NRCAM: variants seen among roughly 807,000 people sequenced by gnomAD.
NRCAM encodes NgCAM-related cell adhesion molecule.
In NRCAM, 83 loss-of-function variants were observed where a neutral mutation model predicts 156.5. That is an observed-to-expected ratio of 0.53 (90% CI 0.44 to 0.64). NRCAM has a LOEUF of 0.64. NRCAM is among the 30% of genes least tolerant of loss of function. NRCAM has a pLI of 0.00. For synonymous variants in NRCAM, 538 were observed against 563.9 expected (o/e 0.95, Z 0.65); for missense variants, 1,417 against 1,597.3 (o/e 0.89, Z 1.92).
intron 3 of NRCAM, among the ~76,000 whole-genome samples, chr7:108,247,305 T>C (rs67456250): frequency 0.073 from 11,161 of 152,252 alleles, 593 homozygotes; most frequent in African/African-American, 0.14. Context: ...ACCAGAAACA[T>C]ACTAACATGC....
chr7:108,319,148 T>C (rs1341592729), intron 2 of NRCAM, among the ~76,000 whole-genome samples: 1 of 152,198 alleles, frequency 6.6e-6, no homozygotes, highest in African/African-American at 2.4e-5. Context: ...TTGTGCTATA[T>C]ATATTTTACC....
chr7:108,261,219 T>C (rs1397547263), intron 3 of NRCAM, among the ~76,000 whole-genome samples: 1 of 152,180 alleles, frequency 6.6e-6, no homozygotes, highest in African/African-American at 2.4e-5. Context: ...GATTTCCTAA[T>C]CATTATAAAA....
At chr7:108,182,011 A>C in intron 23 of NRCAM, 74 bp from the exon 24 acceptor site, 1 of 1,186,480 alleles carries the variant, frequency 8.4e-7, no homozygotes, top group Non-Finnish European at 1.2e-6. Flanking sequence ...GACTCTCTCT[A>C]ATAATTTTGG....
chr7:108,181,591 C>CCT (rs2063499156), intron 24 of NRCAM, among the ~76,000 whole-genome samples: 2 of 149,426 alleles, frequency 1.3e-5, no homozygotes, highest in South Asian at 4.3e-4. Flanking sequence ...AATGTTAGAT[C>CCT]ATCAGTGGGA....
chr7:108,233,935 T>C (rs926312371), intron 6 of NRCAM, among the ~76,000 whole-genome samples: 1 of 152,218 alleles, frequency 6.6e-6, no homozygotes, highest in African/African-American at 2.4e-5. Context: ...AATGTATTGG[T>C]TGGACTGGGT....
chr7:108,264,030 T>C (rs2096986725), intron 3 of NRCAM, among the ~76,000 whole-genome samples: 1 of 152,216 alleles, frequency 6.6e-6, no homozygotes, highest in Admixed American at 6.5e-5. Flanking sequence ...CTGGCTGGAA[T>C]GCAGTGGTGC....
chr7:108,208,500 G>T (rs1452239763), intron 12 of NRCAM, among the ~76,000 whole-genome samples: 1 of 152,014 alleles, frequency 6.6e-6, no homozygotes, highest in Non-Finnish European at 1.5e-5. Context: ...GTTAACAATG[G>T]TACTTAACTA....
At position 108,184,539 on chromosome 7, in the gene NRCAM, T is replaced by G; in HGVS notation, c.2111A>C (p.Gln704Pro). ...WHHQTEVSGT[Q>P]TTAQLKLSPY... is the part of the protein sequence containing the mutation. ...AGACAGCTTCAGCTGGGCTGTGGTC[T>G]GTGTTCCAGAAACTTCAGTTTGGTG... Residue 704 changes from glutamine (Q) to proline (P), a missense_variant, in exon 21 of 33, where the codon CAG becomes CCG. Gln to Pro is a moderately conservative substitution (Grantham distance 76). This residue lies in a region of NRCAM where 1,238 missense variants were observed against 1,336.4 expected (regional missense o/e 0.93). Transcript: ENST00000379028. 2 of 1,614,116 alleles carry G rather than the reference T, an allele frequency of 1.2e-6. No homozygotes were observed. The highest frequency in any genetic ancestry group is 1.7e-6 in the Non-Finnish European group (2 of 1,180,024).
chr7:108,285,731 G>T (rs1195812754), intron 3 of NRCAM, among the ~76,000 whole-genome samples: 3 of 152,212 alleles, frequency 2.0e-5, no homozygotes. Flanking sequence ...TTTGTCAGGA[G>T]TTAATGACAT....
At chr7:108,196,708 G>A (rs917167740) in intron 14 of NRCAM, among the ~76,000 whole-genome samples, 2 of 152,154 alleles carry the variant, frequency 1.3e-5, no homozygotes, top group Non-Finnish European at 2.9e-5. Context: ...GTAGAGAAAA[G>A]GGGACACTTA....
rs978181561 is a variant in NRCAM, at chr7:108,405,336, T to C, written c.-331-5743A>G. On this transcript the variant is annotated intron_variant, in intron 1 of 32. Transcript: ENST00000379028. ...GTGCGGCTTCTTTGTTCTGAACATG[T>C]TTTCGGGTATGAAAAAGGCAGGAGC... Among the ~76,000 whole-genome samples, 23 of 152,324 alleles carry C rather than the reference T, an allele frequency of 1.5e-4. 1 individual carries two copies. The South Asian group carries it at 4.8e-3, about 32-fold the overall frequency.
intron 1 of NRCAM, among the ~76,000 whole-genome samples, chr7:108,423,026 G>A (rs753536096): frequency 1.8e-4 from 28 of 152,214 alleles, no homozygotes; most frequent in Middle Eastern, 3.4e-3. Context: ...TAGGCAGGAT[G>A]TGAAATAGAG....
chr7:108,190,415 T>A (rs540717264), intron 19 of NRCAM, among the ~76,000 whole-genome samples: 53 of 152,278 alleles, frequency 3.5e-4, no homozygotes, highest in African/African-American at 1.2e-3. Flanking sequence ...AGGCCTTTAT[T>A]TGACCTTGCT....
intron 18 of NRCAM, 116 bp from the exon 19 acceptor site, chr7:108,191,399 C>A: frequency 1.3e-6 from 1 of 798,714 alleles, no homozygotes; most frequent in Non-Finnish European, 1.9e-6. Context: ...AAGCCCTATG[C>A]TTAGCTGTGA....
At chr7:108,356,896 G>T (rs151212380) in intron 2 of NRCAM, among the ~76,000 whole-genome samples, 1 of 152,170 alleles carries the variant, frequency 6.6e-6, no homozygotes, top group African/African-American at 2.4e-5. Context: ...GGGCCCTTTG[G>T]GAAGTATTTA....
intron 1 of NRCAM, among the ~76,000 whole-genome samples, chr7:108,405,872 A>G (rs547017492): frequency 1.3e-5 from 2 of 152,032 alleles, no homozygotes; most frequent in African/African-American, 4.8e-5. Flanking sequence ...TAATCCCAGC[A>G]CTCTGGAAGG....
At chr7:108,423,115 C>G (rs948472524) in intron 1 of NRCAM, among the ~76,000 whole-genome samples, 4 of 152,188 alleles carry the variant, frequency 2.6e-5, no homozygotes, top group Admixed American at 2.6e-4. Flanking sequence ...TGGTGACTTT[C>G]TGCATCTTCA....
chr7:108,202,579 T>TAA (rs2078760574), intron 13 of NRCAM, among the ~76,000 whole-genome samples: 1 of 152,194 alleles, frequency 6.6e-6, no homozygotes, highest in Non-Finnish European at 1.5e-5. Context: ...GGAGAAGAGT[T>TAA]AAATTTCCCT....
chr7:108,249,353 C>T (rs536511886), intron 3 of NRCAM, among the ~76,000 whole-genome samples: 1 of 152,296 alleles, frequency 6.6e-6, no homozygotes, highest in South Asian at 2.1e-4. Flanking sequence ...TTCATTCCAG[C>T]CAGAGGCTGT....
Sources: gnomAD v4.1 joint callset for allele counts (sites outside exome capture counted in the v4.1 genomes callset) on GRCh38, gnomAD v4.1.1 for gene constraint, gnomAD v4.1.1 regional missense constraint, MANE v1.5 for transcripts, NCBI Gene and HGNC (gene_info 2026-07-23, HGNC 2026-07-21) for gene names.